COL25A1: variants seen among roughly 807,000 people sequenced by gnomAD.
The protein encoded by COL25A1 is collagen alpha-1(XXV) chain.
In COL25A1, 103 loss-of-function variants were observed where a neutral mutation model predicts 128.4. The ratio of observed to expected loss-of-function variants is 0.80; its 90% CI spans 0.68 to 0.94. The LOEUF is 0.94. Among genes scored for constraint, COL25A1 ranks in the 40% least tolerant of loss-of-function variants. COL25A1 has a pLI of 0.00. For missense variants in COL25A1, 745 were observed against 840.0 expected, an observed-to-expected ratio of 0.89 and a Z score of 1.40; for synonymous variants, 279 against 277.2, an observed-to-expected ratio of 1.01 and a Z score of -0.06.
intron 5 of COL25A1, among the ~76,000 whole-genome samples, chr4:109,011,574 A>G (rs888400): frequency 6.6e-6 from 1 of 151,572 alleles, no homozygotes; most frequent in Non-Finnish European, 1.5e-5. Context: ...ATATGCTATT[A>G]TATTTATTTC....
In COL25A1 at chr4:108,869,038, A is replaced by G. The variant is rs985266749; in HGVS notation, c.1083+50T>C. 2.6e-6 allele frequency: 3 copies of G among 1,166,496 alleles called. No homozygotes were observed. In the African/African-American group the frequency reaches 4.8e-5, roughly 19 times the overall value. The allele number at this position is 1,166,496 out of a possible 1,614,324, so 72.3% of individuals were successfully genotyped here. A position where few individuals can be genotyped will look rare whatever the true frequency, so the allele number is the denominator to read the frequency against. On this transcript the variant is annotated intron_variant, in intron 20 of 37. Transcript: ENST00000399132. ...AAGGAAAGGAAAGAAGGAAGGAAGA[A>G]AAGAAAGAAAGAAAAAGAAAGAAAG...
chr4:109,071,780 T>C (rs1437684479), intron 3 of COL25A1, among the ~76,000 whole-genome samples: 1 of 152,092 alleles, frequency 6.6e-6, no homozygotes, highest in Non-Finnish European at 1.5e-5. Flanking sequence ...ATGGCGATCA[T>C]TAAAAAGTCA....
rs74822618 is a variant in COL25A1 at position 108,871,002 on chromosome 4, T to C, written c.1021-1852A>G. 4.5e-3 allele frequency among the ~76,000 whole-genome samples: 690 copies of C among 152,260 alleles called. 5 individuals carry two copies. The highest frequency in any genetic ancestry group is 0.016 in the African/African-American group (665 of 41,582). On this transcript the variant is annotated intron_variant, in intron 19 of 37. Coordinates refer to ENST00000399132, the MANE Select transcript of COL25A1 (RefSeq NM_198721.4). Reference sequence around the variant, plus strand: ...AAATGTTGCAAAAACATATTTCTTATACATATTTCTTATACAGGTTAGTGT... The same window carrying C: ...AAATGTTGCAAAAACATATTTCTTACACATATTTCTTATACAGGTTAGTGT...
intron 3 of COL25A1, among the ~76,000 whole-genome samples, chr4:109,196,650 A>C (rs1163263745): frequency 6.6e-6 from 1 of 152,194 alleles, no homozygotes; most frequent in Non-Finnish European, 1.5e-5. Flanking sequence ...TGTAAAAAGA[A>C]GCCATTTCAA....
chr4:109,125,829 T>C (rs1032325359), intron 3 of COL25A1, among the ~76,000 whole-genome samples: 1 of 152,142 alleles, frequency 6.6e-6, no homozygotes, highest in Non-Finnish European at 1.5e-5. Context: ...AAGAGTGACA[T>C]GATTTCAACA....
intron 8 of COL25A1, among the ~76,000 whole-genome samples, chr4:108,950,037 A>G (rs920824632): frequency 2.0e-5 from 3 of 152,108 alleles, no homozygotes; most frequent in Admixed American, 1.3e-4. Flanking sequence ...AGCAACTTCA[A>G]ATGTGGCTGG....
intron 8 of COL25A1, among the ~76,000 whole-genome samples, chr4:108,964,844 C>T (rs1751115934): frequency 6.6e-6 from 1 of 152,094 alleles, no homozygotes; most frequent in Non-Finnish European, 1.5e-5. Flanking sequence ...TCTTAATGAG[C>T]TTACTGTTTC....
chr4:109,000,750 AAAAAAAAAAAAAAAAAAAG>A (rs1224504160), intron 6 of COL25A1, among the ~76,000 whole-genome samples: 1 of 136,262 alleles, frequency 7.3e-6, no homozygotes, highest in Non-Finnish European at 1.6e-5. Context: ...TGTCAAAAAA[AAAAAAAAAAAAAAAAAAAG>A]AAAAAACTAT....
intron 18 of COL25A1, among the ~76,000 whole-genome samples, chr4:108,885,585 T>C (rs1243249070): frequency 6.6e-6 from 1 of 152,224 alleles, no homozygotes; most frequent in African/African-American, 2.4e-5. Flanking sequence ...TATAACATTA[T>C]ATATTTGATC....
At chr4:109,088,191 T>G (rs142129899) in intron 3 of COL25A1, among the ~76,000 whole-genome samples, 2 of 152,146 alleles carry the variant, frequency 1.3e-5, no homozygotes, top group Non-Finnish European at 2.9e-5. Flanking sequence ...CTTGAGAAAG[T>G]TGATACAGTT....
At chr4:109,180,062 T>A (rs1465281165) in intron 3 of COL25A1, among the ~76,000 whole-genome samples, 2 of 152,230 alleles carry the variant, frequency 1.3e-5, no homozygotes, top group Admixed American at 1.3e-4. Flanking sequence ...TATGTTAAAA[T>A]GGAAATACGT....
At chr4:108,996,753 G>A (rs548127796) in intron 6 of COL25A1, among the ~76,000 whole-genome samples, 1 of 152,242 alleles carries the variant, frequency 6.6e-6, no homozygotes, top group South Asian at 2.1e-4. Flanking sequence ...AAATGTAAAA[G>A]AACAGAAATC....
chr4:108,823,468 G>T (rs1401272855), intron 35 of COL25A1, among the ~76,000 whole-genome samples: 1 of 152,072 alleles, frequency 6.6e-6, no homozygotes, highest in Non-Finnish European at 1.5e-5. Context: ...AAGAACAAAG[G>T]AGAGGAAAGG....
chr4:109,096,541 C>CA (rs146032791), intron 3 of COL25A1, among the ~76,000 whole-genome samples: 1 of 152,136 alleles, frequency 6.6e-6, no homozygotes, highest in African/African-American at 2.4e-5. Context: ...GGCTATACCA[C>CA]TAGGTTTGTG....
chr4:109,067,078 C>G (rs1031230907), intron 3 of COL25A1, among the ~76,000 whole-genome samples: 1 of 152,244 alleles, frequency 6.6e-6, no homozygotes, highest in Middle Eastern at 3.4e-3. Flanking sequence ...TTCATATAGA[C>G]ACATGTGGCC....
At chr4:108,884,054 G>A (rs1740459062) in intron 19 of COL25A1, 124 bp downstream of exon 19, 3 of 858,156 alleles carry the variant, frequency 3.5e-6, no homozygotes, top group Admixed American at 2.4e-5. Flanking sequence ...TAGTTGAGAT[G>A]GCTGGAGAGT....
At chr4:108,903,608 T>A (rs1743114226) in intron 13 of COL25A1, among the ~76,000 whole-genome samples, 1 of 152,088 alleles carries the variant, frequency 6.6e-6, no homozygotes, top group Non-Finnish European at 1.5e-5. Context: ...TGATTAATTA[T>A]CTAAACTTGT....
intron 6 of COL25A1, among the ~76,000 whole-genome samples, chr4:109,003,798 T>TCAAAAA (rs139158630): frequency 0.21 from 32,051 of 151,574 alleles, 3,450 homozygotes; most frequent in Non-Finnish European, 0.23. Flanking sequence ...AGACTCCATC[T>TCAAAAA]CAAAAACAAA....
intron 6 of COL25A1, among the ~76,000 whole-genome samples, chr4:109,009,012 C>T (rs1278015475): frequency 6.6e-6 from 1 of 152,122 alleles, no homozygotes; most frequent in Non-Finnish European, 1.5e-5. Flanking sequence ...ATCCCAGCTA[C>T]TTGGGTGGCT....
Sources: gnomAD v4.1 joint callset for allele counts (sites outside exome capture counted in the v4.1 genomes callset) on GRCh38, gnomAD v4.1.1 for gene constraint, MANE v1.5 for transcripts, NCBI Gene and HGNC (gene_info 2026-07-23, HGNC 2026-07-21) for gene names.